Variants in STAG1 observed in about 807,000 individuals in gnomAD.
STAG1 encodes the protein cohesin subunit SA-1.
A neutral mutation model predicts 170.9 loss-of-function variants in STAG1; 26 were observed. The observed-to-expected ratio is 0.15, with a 90% confidence interval of 0.11 to 0.21. The LOEUF (loss-of-function observed/expected upper bound fraction) is 0.21. STAG1 is among the 10% of genes least tolerant of loss of function. STAG1 has a pLI of 1.00. For synonymous variants in STAG1, 514 were observed against 497.7 expected (o/e 1.03, Z -0.44); for missense variants, 964 against 1,509.5 (o/e 0.64, Z 5.99).
intron 6 of STAG1, among the ~76,000 whole-genome samples, chr3:136,529,131 A>C (rs1459902295): frequency 2.0e-5 from 3 of 152,150 alleles, no homozygotes; most frequent in Non-Finnish European, 4.4e-5. Flanking sequence ...AAAATAAAGA[A>C]AAATGAACTA....
intron 1 of STAG1, among the ~76,000 whole-genome samples, chr3:136,714,002 CA>C (rs1415074863): frequency 6.6e-6 from 1 of 151,606 alleles, no homozygotes; most frequent in Admixed American, 6.6e-5. Context: ...CCAGCCTGGG[CA>C]ACAGAGCAAG....
At chr3:136,643,569 C>T (rs552641462) in intron 1 of STAG1, among the ~76,000 whole-genome samples, 12 of 152,160 alleles carry the variant, frequency 7.9e-5, no homozygotes, top group Non-Finnish European at 1.0e-4. Flanking sequence ...AGTGCAACAG[C>T]GCAATCTCAG....
chr3:136,619,365 G>A (rs1004283829), intron 3 of STAG1, among the ~76,000 whole-genome samples: 1 of 150,502 alleles, frequency 6.6e-6, no homozygotes, highest in Non-Finnish European at 1.5e-5. Flanking sequence ...TCCAGTTGTA[G>A]GAGAGAGACA....
rs75258125 is a variant in STAG1 at position 136,642,003 on chromosome 3, T to A, written c.-83-11022A>T. Among the ~76,000 whole-genome samples the A allele has an allele frequency of 3.2e-3, 485 of 152,064 alleles. 1 individual carries two copies. Among genetic ancestry groups the A allele is most frequent in the Non-Finnish European group, 5.7e-3 (389 of 67,976 alleles). On this transcript the variant is annotated intron_variant, in intron 1 of 33. Transcript: ENST00000383202. Reference sequence around the variant, plus strand: ...ATCTAAGGACATGAAGAAAAAGAGGTGAGGTACTTTACCAAATGACCTTCC... The same window carrying A: ...ATCTAAGGACATGAAGAAAAAGAGGAGAGGTACTTTACCAAATGACCTTCC...
At chr3:136,538,016 TAA>T (rs1440560745) in intron 6 of STAG1, among the ~76,000 whole-genome samples, 3 of 152,146 alleles carry the variant, frequency 2.0e-5, no homozygotes, top group African/African-American at 4.8e-5. Flanking sequence ...AAATTATTAT[TAA>T]GACTATTAAA....
At chr3:136,525,132 C>T (rs1241469085) in intron 6 of STAG1, among the ~76,000 whole-genome samples, 1 of 152,156 alleles carries the variant, frequency 6.6e-6, no homozygotes, top group Admixed American at 6.6e-5. Flanking sequence ...AGAGGATTCC[C>T]TCTTTTTCGG....
rs1222679896 is a variant in STAG1 at position 136,737,144 on chromosome 3, C to G, written c.-84+15051G>C. The G allele has an allele frequency of 5.0e-6, 4 of 792,210 alleles. No homozygotes were observed. In the African/African-American group the frequency reaches 6.7e-5, roughly 13 times the overall value. The allele number at this position is 792,210 out of a possible 1,614,324, so 49.1% of individuals were successfully genotyped here. A position where few individuals can be genotyped will look rare whatever the true frequency, so the allele number is the denominator to read the frequency against. On this transcript the variant is annotated intron_variant, in intron 1 of 33. Transcript: ENST00000383202. ...TTTTTCACGTTAGAACCAAGTCTCT[C>G]TTCTCTATTTGTTTCACCTCACTGT... is the stretch of plus-strand genomic sequence containing the variant.
intron 1 of STAG1, among the ~76,000 whole-genome samples, chr3:136,670,847 C>G (rs1301630450): frequency 2.6e-5 from 4 of 152,148 alleles, no homozygotes; most frequent in Non-Finnish European, 4.4e-5. Flanking sequence ...TACATGTTAG[C>G]TGACACCACC....
rs1936109432 is a variant in STAG1, at chr3:136,343,944, G to C, written c.3334C>G (p.Leu1112Val). Residue 1112 changes from leucine to valine, a missense_variant, in exon 30 of 34, where the codon CTG (leucine) becomes GTG (valine). Physicochemically the swap from Leu to Val is conservative, Grantham distance 32 (BLOSUM62 1). Coordinates refer to ENST00000383202, the MANE Select transcript of STAG1 (RefSeq NM_005862.3). ...GTGGATGTGAGTTGTGGTGCTGGCA[G>C]GGGGCCAGGAGTCTGAATCATGGTG... ...TDTMIQTPGP[L>V]PAPQLTSTVL... 6.2e-7 allele frequency: 1 copy of C among 1,611,846 alleles called. No homozygotes were observed. The highest frequency in any genetic ancestry group is 1.3e-5 in the African/African-American group (1 of 74,828).
At chr3:136,418,883 C>T (rs2087861914) in intron 20 of STAG1, among the ~76,000 whole-genome samples, 1 of 152,082 alleles carries the variant, frequency 6.6e-6, no homozygotes, top group Admixed American at 6.6e-5. Flanking sequence ...TCAAGAGATC[C>T]ACCCGCCATG....
At chr3:136,642,804 G>A (rs778691407) in intron 1 of STAG1, among the ~76,000 whole-genome samples, 7 of 152,162 alleles carry the variant, frequency 4.6e-5, no homozygotes, top group Non-Finnish European at 7.4e-5. Flanking sequence ...GGTGTTGGCA[G>A]GGCCATGCTC....
At chr3:136,607,132 C>G (rs1348374345) in intron 3 of STAG1, among the ~76,000 whole-genome samples, 3 of 152,108 alleles carry the variant, frequency 2.0e-5, no homozygotes, top group Non-Finnish European at 4.4e-5. Flanking sequence ...ACCTAAATCA[C>G]TTGGCTGACA....
intron 14 of STAG1, among the ~76,000 whole-genome samples, chr3:136,451,077 C>T (rs115186719): frequency 0.017 from 2,584 of 151,480 alleles, 78 homozygotes; most frequent in African/African-American, 0.06. Flanking sequence ...CATTTCTAAA[C>T]GAAGAAGTTA....
At chr3:136,719,711 A>G in intron 1 of STAG1, among the ~76,000 whole-genome samples, 1 of 149,680 alleles carries the variant, frequency 6.7e-6, no homozygotes, top group Non-Finnish European at 1.5e-5. Context: ...GGATGGATCG[A>G]TCTCAAAAAA....
chr3:136,675,002 A>C (rs1942090448), intron 1 of STAG1, among the ~76,000 whole-genome samples: 1 of 152,212 alleles, frequency 6.6e-6, no homozygotes, highest in African/African-American at 2.4e-5. Flanking sequence ...AAACCTATTT[A>C]AACATAATTA....
intron 14 of STAG1, among the ~76,000 whole-genome samples, chr3:136,448,623 A>G (rs1164019240): frequency 6.6e-6 from 1 of 152,088 alleles, no homozygotes; most frequent in African/African-American, 2.4e-5. Context: ...GCCAAACCAT[A>G]TCAGTCTGTA....
intron 22 of STAG1, among the ~76,000 whole-genome samples, chr3:136,381,714 T>A (rs1937981967): frequency 6.6e-6 from 1 of 152,236 alleles, no homozygotes; most frequent in South Asian, 2.1e-4. Flanking sequence ...GATGTGAGAA[T>A]GTTTGCTGAA....
Position 136,627,850 on chromosome 3 carries a change from A to G in STAG1, c.29+3020T>C, listed in dbSNP as rs565055801. 6.6e-5 allele frequency among the ~76,000 whole-genome samples: 10 copies of G among 152,212 alleles called. No homozygotes were observed. In the South Asian group the frequency reaches 1.2e-3, roughly 19 times the overall value. ...CTCTAAATTCTGTCTACCTCTTTCT[A>G]TCTCCAGGGTAACTAGTTTATCATC... On this transcript the variant is annotated intron_variant, in intron 2 of 33. Coordinates refer to ENST00000383202, the MANE Select transcript of STAG1 (RefSeq NM_005862.3).
intron 13 of STAG1, among the ~76,000 whole-genome samples, chr3:136,463,954 TA>T (rs1553725932): frequency 6.7e-6 from 1 of 149,622 alleles, no homozygotes; most frequent in Non-Finnish European, 1.5e-5. Flanking sequence ...GTTAATCTAC[TA>T]ATCAATTATA....
Sources: allele counts gnomAD v4.1 joint callset (sites outside exome capture counted in the v4.1 genomes callset), GRCh38; gene constraint gnomAD v4.1.1; transcripts MANE v1.5; gene names NCBI Gene and HGNC (gene_info 2026-07-23, HGNC 2026-07-21).